ZNF474: variants seen among roughly 807,000 people sequenced by gnomAD.
ZNF474 encodes the protein zinc finger protein 474.
For missense variants in ZNF474, 511 were observed against 433.8 expected (o/e 1.18, Z -1.58); for synonymous variants, 192 against 162.2 (o/e 1.18, Z -1.39).
At position 122,152,439 on chromosome 5, in the gene ZNF474, T is replaced by C; in HGVS notation, c.449T>C (p.Leu150Pro). ...QSLSSSGSYS[L>P]QATNEAAFQS... is the part of the protein sequence containing the mutation. ...CTCAGCAGCAGTGGGTCCTACAGTC[T>C]TCAGGCAACTAACGAGGCTGCATTT... The change falls in exon 2 of 2, where the codon CTT becomes CCT. Residue 150 changes from leucine to proline, a missense_variant. By Grantham distance (98) the Leu-to-Pro change is moderately conservative. Transcript: ENST00000296600. The C allele has an allele frequency of 1.9e-6, 3 of 1,614,184 alleles. No individual in the cohort carries two copies. The highest frequency in any genetic ancestry group is 2.5e-6 in the Non-Finnish European group (3 of 1,180,036).
chr5:122,143,097 G>A (rs755726236), intron 1 of ZNF474, among the ~76,000 whole-genome samples: 3 of 152,166 alleles, frequency 2.0e-5, no homozygotes, highest in Non-Finnish European at 4.4e-5. Context: ...AGGAGGCACT[G>A]ACCTCCTGGA....
chr5:122,152,826 C>T lies in ZNF474; in HGVS notation c.836C>T (p.Pro279Leu), dbSNP rs146399263. Residue 279 changes from proline to leucine, a missense_variant, in exon 2 of 2, where the codon CCA becomes CTA. Coordinates refer to ENST00000296600, the MANE Select transcript of ZNF474 (RefSeq NM_207317.3). The part of the protein sequence containing the change: ...LPNAQSSQAG[P>L]NQAQLVFCPH... ...AATGCACAGTCCAGCCAAGCGGGACCAAATCAAGCTCAGCTTGTGTTCTGC... is the reference window on the plus strand; with the variant it reads ...AATGCACAGTCCAGCCAAGCGGGACTAAATCAAGCTCAGCTTGTGTTCTGC... 2.4e-5 allele frequency: 39 copies of T among 1,614,046 alleles called. No homozygotes were observed. Among genetic ancestry groups the T allele is most frequent in the Non-Finnish European group, 3.0e-5 (35 of 1,180,034 alleles).
chr5:122,148,610 C>T (rs1756055892), intron 1 of ZNF474, among the ~76,000 whole-genome samples: 1 of 152,106 alleles, frequency 6.6e-6, no homozygotes, highest in African/African-American at 2.4e-5. Flanking sequence ...CTGGTCCCTA[C>T]CTCTGCTGGT....
At chr5:122,134,254 A>T (rs755739965) in intron 1 of ZNF474, among the ~76,000 whole-genome samples, 1 of 152,202 alleles carries the variant, frequency 6.6e-6, no homozygotes, top group Non-Finnish European at 1.5e-5. Context: ...ATTTAAAAAG[A>T]ATGGCAAAGT....
At chr5:122,130,181 A>T (rs1000094627) in intron 1 of ZNF474, among the ~76,000 whole-genome samples, 2 of 152,062 alleles carry the variant, frequency 1.3e-5, no homozygotes, top group African/African-American at 4.8e-5. Context: ...ATTATTTGAG[A>T]TAAAATCAAC....
intron 1 of ZNF474, among the ~76,000 whole-genome samples, chr5:122,149,611 G>A (rs998963418): frequency 1.3e-5 from 2 of 152,178 alleles, no homozygotes; most frequent in African/African-American, 4.8e-5. Flanking sequence ...TTGATTCACA[G>A]TTCTGTCATT....
intron 1 of ZNF474, among the ~76,000 whole-genome samples, chr5:122,140,765 T>G (rs1436618977): frequency 6.6e-6 from 1 of 152,198 alleles, no homozygotes; most frequent in African/African-American, 2.4e-5. Context: ...CTGGCTCAAT[T>G]ATAGACAAAA....
chr5:122,138,800 G>T (rs963094850), intron 1 of ZNF474, among the ~76,000 whole-genome samples: 1 of 152,162 alleles, frequency 6.6e-6, no homozygotes, highest in African/African-American at 2.4e-5. Context: ...GTGTGTATGT[G>T]TATGTGTATT....
chr5:122,146,096 G>A (rs566168307), intron 1 of ZNF474, among the ~76,000 whole-genome samples: 5 of 152,292 alleles, frequency 3.3e-5, no homozygotes, highest in African/African-American at 4.8e-5. Flanking sequence ...CATGCACACA[G>A]GAAGCCTTTA....
intron 1 of ZNF474, among the ~76,000 whole-genome samples, chr5:122,136,321 C>T (rs545640305): frequency 5.9e-5 from 9 of 151,794 alleles, no homozygotes; most frequent in Middle Eastern, 3.4e-3. Context: ...TATCTGATTT[C>T]CAAGGGAAAT....
chr5:122,152,723 G>C lies in ZNF474; in HGVS notation c.733G>C (p.Glu245Gln), dbSNP rs757457586. The change falls in exon 2 of 2, where the codon GAA becomes CAA. Residue 245 changes from glutamate (E) to glutamine (Q), a missense_variant. Coordinates refer to ENST00000296600, the MANE Select transcript of ZNF474 (RefSeq NM_207317.3). ...SLPIHEPKCLEKWKMENDRLP... is the reference protein window; with the variant it reads ...SLPIHEPKCLQKWKMENDRLP... Reference sequence around the variant, plus strand: ...TCCTATTCATGAGCCCAAATGCCTGGAAAAGTGGAAAATGGAAAATGACCG... The same window carrying C: ...TCCTATTCATGAGCCCAAATGCCTGCAAAAGTGGAAAATGGAAAATGACCG... 9.3e-6 allele frequency: 15 copies of C among 1,614,002 alleles called. No individual in the cohort carries two copies. The East Asian group carries it at 3.1e-4, about 34-fold the overall frequency.
chr5:122,135,656 G>T (rs1755681846), intron 1 of ZNF474, among the ~76,000 whole-genome samples: 1 of 152,044 alleles, frequency 6.6e-6, no homozygotes, highest in African/African-American at 2.4e-5. Flanking sequence ...GCCAAAAAAA[G>T]TTGAAATCAG....
At chr5:122,147,742 A>C in intron 1 of ZNF474, 1 of 152,198 alleles carries the variant, frequency 6.6e-6, no homozygotes, top group South Asian at 2.1e-4. Context: ...AAAAGATATG[A>C]TCACACTTTT....
Position 122,139,830 on chromosome 5 carries a change from T to C in ZNF474, c.-213+10147T>C, listed in dbSNP as rs146772900. Among the ~76,000 whole-genome samples, 912 of 152,328 alleles carry C rather than the reference T, an allele frequency of 6.0e-3. 6 individuals carry two copies. Among genetic ancestry groups the C allele is most frequent in the Middle Eastern group, 0.014 (4 of 294 alleles). On this transcript the variant is annotated intron_variant, in intron 1 of 1. Coordinates refer to ENST00000296600, the MANE Select transcript of ZNF474 (RefSeq NM_207317.3). The stretch of plus-strand genomic sequence containing the variant: ...GGATCCAGAGTAAACTTGTTATTTC[T>C]CAAGATAGAGAAGAAAAAAGCTTTT...
At chr5:122,129,820 G>A (rs749897162) in intron 1 of ZNF474, 137 bp downstream of exon 1, 14 of 152,126 alleles carry the variant, frequency 9.2e-5, no homozygotes, top group Non-Finnish European at 1.9e-4. Flanking sequence ...CTTCTCACCA[G>A]TATTCAGTAA....
In ZNF474 at chr5:122,134,814, T is replaced by C. The variant is rs373387792; in HGVS notation, c.-213+5131T>C. Among the ~76,000 whole-genome samples the C allele has an allele frequency of 4.7e-4, 71 of 152,238 alleles. 2 individuals carry two copies. In the South Asian group the frequency reaches 0.01, roughly 22 times the overall value. On this transcript the variant is annotated intron_variant, in intron 1 of 1. Transcript: ENST00000296600. ...GATAATTATATGCAGAAGAATGAAA[T>C]GAAACTCTTATCTCTCTCCATAGAA...
At chr5:122,149,877 A>G (rs938766458) in intron 1 of ZNF474, among the ~76,000 whole-genome samples, 2 of 147,826 alleles carry the variant, frequency 1.4e-5, no homozygotes, top group African/African-American at 5.1e-5. Flanking sequence ...CTGGAAACAG[A>G]ATTGACTCTG....
At chr5:122,134,448 G>A (rs902618858) in intron 1 of ZNF474, among the ~76,000 whole-genome samples, 7 of 152,264 alleles carry the variant, frequency 4.6e-5, no homozygotes, top group Non-Finnish European at 7.4e-5. Context: ...TAATTTAAAT[G>A]GTCTAACAGA....
At chr5:122,141,442 G>A (rs535403413) in intron 1 of ZNF474, among the ~76,000 whole-genome samples, 3 of 151,580 alleles carry the variant, frequency 2.0e-5, no homozygotes, top group African/African-American at 4.9e-5. Context: ...CCAAGTAGCC[G>A]GGACTACAGG....
Sources: gnomAD v4.1 joint callset for allele counts (sites outside exome capture counted in the v4.1 genomes callset) on GRCh38, gnomAD v4.1.1 for gene constraint, MANE v1.5 for transcripts, NCBI Gene and HGNC (gene_info 2026-07-23, HGNC 2026-07-21) for gene names.